Variants in CCDC6 observed in about 807,000 individuals in gnomAD.
CCDC6 encodes the protein coiled-coil domain containing 6.
In CCDC6, 20 loss-of-function variants were observed where a neutral mutation model predicts 56.6. The ratio of observed to expected loss-of-function variants is 0.35; its 90% CI spans 0.25 to 0.51. CCDC6 has a LOEUF of 0.51. Among genes scored for constraint, CCDC6 ranks in the 20% least tolerant of loss-of-function variants. The pLI, the probability that CCDC6 is intolerant of heterozygous loss-of-function variation, is 0.95. For synonymous variants in CCDC6, 241 were observed against 234.4 expected (o/e 1.03, Z -0.26); for missense variants, 367 against 601.1 (o/e 0.61, Z 4.07).
intron 1 of CCDC6, among the ~76,000 whole-genome samples, chr10:59,889,613 T>C (rs975271028): frequency 6.6e-6 from 1 of 152,226 alleles, no homozygotes; most frequent in African/African-American, 2.4e-5. Context: ...TCTCCTGCTC[T>C]GCAAGGTACA....
In CCDC6 at chr10:59,790,907, A is replaced by C. The variant is rs1589030249; in HGVS notation, c.*2010T>G. On this transcript the variant is annotated 3_prime_UTR_variant, in exon 9 of 9. Coordinates refer to ENST00000263102, the MANE Select transcript of CCDC6 (RefSeq NM_005436.5). Reference sequence around the variant, plus strand: ...ATTATGGACTTTCTTGTTTGGGTGCAAGACACTATCCACAGCATTGAAATC... The same window carrying C: ...ATTATGGACTTTCTTGTTTGGGTGCCAGACACTATCCACAGCATTGAAATC... 4.8e-6 allele frequency: 1 copy of C among 206,204 alleles called. No individual in the cohort carries two copies. The highest frequency in any genetic ancestry group is 1.6e-3 in the Middle Eastern group (1 of 630). 12.8% of individuals were successfully genotyped at this position (206,204 alleles called of 1,614,324 possible).
chr10:59,799,675 G>T (rs969978218), intron 7 of CCDC6, among the ~76,000 whole-genome samples: 1 of 152,214 alleles, frequency 6.6e-6, no homozygotes, highest in Non-Finnish European at 1.5e-5. Flanking sequence ...GCCTGAGAAT[G>T]TCTTCTCTTT....
Position 59,896,673 on chromosome 10 carries a change from G to GA in CCDC6, c.303+9448dup, listed in dbSNP as rs888502383. Among the ~76,000 whole-genome samples the GA allele has an allele frequency of 3.3e-4, 50 of 150,340 alleles. No homozygotes were observed. The East Asian group carries it at 6.6e-3, about 20-fold the overall frequency. On this transcript the variant is annotated intron_variant, in intron 1 of 8. Transcript: ENST00000263102. ...CTAGGAATAGAGGTTTACCAGGGAG[G>GA]AAAAAAAAATGGGTGTTATTGTTTA...
intron 7 of CCDC6, among the ~76,000 whole-genome samples, chr10:59,802,900 A>T (rs145574625): frequency 6.6e-5 from 10 of 152,334 alleles, no homozygotes; most frequent in African/African-American, 2.4e-4. Flanking sequence ...AATAAATCAA[A>T]CAGGGTATTA....
chr10:59,835,983 A>G (rs996380428), intron 2 of CCDC6, among the ~76,000 whole-genome samples: 2 of 145,024 alleles, frequency 1.4e-5, no homozygotes, highest in Non-Finnish European at 3.0e-5. Flanking sequence ...GGAGCCCAGA[A>G]GGTCAAGGCT....
chr10:59,833,457 G>A (rs2070850495), intron 2 of CCDC6, among the ~76,000 whole-genome samples: 2 of 151,860 alleles, frequency 1.3e-5, no homozygotes, highest in African/African-American at 4.8e-5. Flanking sequence ...CTCAAAAAAA[G>A]AATCTTATTC....
At chr10:59,850,148 T>G (rs1384192191) in intron 2 of CCDC6, among the ~76,000 whole-genome samples, 1 of 152,168 alleles carries the variant, frequency 6.6e-6, no homozygotes, top group Admixed American at 6.5e-5. Flanking sequence ...GACCTGAACC[T>G]AAAACTACCT....
intron 2 of CCDC6, among the ~76,000 whole-genome samples, chr10:59,834,186 C>T (rs1481327004): frequency 2.0e-5 from 3 of 152,084 alleles, no homozygotes; most frequent in African/African-American, 7.2e-5. Context: ...TAACACTCTC[C>T]ACATTTGACA....
chr10:59,806,846 G>A, intron 6 of CCDC6, 76 bp downstream of exon 6: 2 of 1,421,338 alleles, frequency 1.4e-6, no homozygotes, highest in Non-Finnish European at 1.9e-6. Context: ...CACCTAACAG[G>A]ATACCAAAGA....
At chr10:59,879,216 A>G (rs2071310648) in intron 1 of CCDC6, among the ~76,000 whole-genome samples, 1 of 152,226 alleles carries the variant, frequency 6.6e-6, no homozygotes, top group Non-Finnish European at 1.5e-5. Flanking sequence ...AAGAAACCTG[A>G]AAACAAGGAT....
At chr10:59,885,077 G>A (rs2071372428) in intron 1 of CCDC6, among the ~76,000 whole-genome samples, 1 of 102,998 alleles carries the variant, frequency 9.7e-6, no homozygotes, top group African/African-American at 3.7e-5. Context: ...AACAACAACA[G>A]AAAGAAAGGA....
At chr10:59,864,742 G>C (rs1490945448) in intron 1 of CCDC6, among the ~76,000 whole-genome samples, 1 of 152,116 alleles carries the variant, frequency 6.6e-6, no homozygotes, top group African/African-American at 2.4e-5. Context: ...GTTCAGCTGA[G>C]ACCCAAGATC....
At chr10:59,833,934 C>A (rs2070857232) in intron 2 of CCDC6, among the ~76,000 whole-genome samples, 1 of 152,114 alleles carries the variant, frequency 6.6e-6, no homozygotes, top group Non-Finnish European at 1.5e-5. Context: ...GGACCCAGAA[C>A]CCCAAACCAG....
At chr10:59,856,486 C>T (rs190154069) in intron 1 of CCDC6, among the ~76,000 whole-genome samples, 22 of 152,254 alleles carry the variant, frequency 1.4e-4, no homozygotes, top group East Asian at 3.9e-4. Context: ...CCATATTACA[C>T]GCAGTATCAT....
intron 1 of CCDC6, among the ~76,000 whole-genome samples, chr10:59,859,546 A>C (rs1252437317): frequency 2.0e-5 from 3 of 152,224 alleles, no homozygotes; most frequent in African/African-American, 7.2e-5. Flanking sequence ...TGGGTTTTCC[A>C]TTTCAATAGC....
intron 4 of CCDC6, among the ~76,000 whole-genome samples, chr10:59,814,442 A>C (rs1345529270): frequency 1.3e-5 from 2 of 152,242 alleles, no homozygotes; most frequent in African/African-American, 4.8e-5. Context: ...AAGAAATTCT[A>C]CTGGGACAGT....
intron 1 of CCDC6, among the ~76,000 whole-genome samples, chr10:59,875,607 T>TTGTA (rs1564754180): frequency 6.6e-6 from 1 of 152,218 alleles, no homozygotes; most frequent in African/African-American, 2.4e-5. Flanking sequence ...CAAGTCCAAG[T>TTGTA]TGTACCTCCT....
intron 5 of CCDC6, among the ~76,000 whole-genome samples, chr10:59,807,310 C>T (rs891817372): frequency 2.5e-4 from 38 of 152,120 alleles, no homozygotes; most frequent in African/African-American, 8.5e-4. Context: ...CATGGTGAAA[C>T]TCAGTCTCTA....
chr10:59,850,494 A>C (rs541747939), intron 2 of CCDC6, among the ~76,000 whole-genome samples: 1 of 152,178 alleles, frequency 6.6e-6, no homozygotes, highest in Non-Finnish European at 1.5e-5. Flanking sequence ...GAGAACCCCA[A>C]TGTTTTCACA....
Sources: gnomAD v4.1 joint callset for allele counts (sites outside exome capture counted in the v4.1 genomes callset) on GRCh38, gnomAD v4.1.1 for gene constraint, MANE v1.5 for transcripts, NCBI Gene and HGNC (gene_info 2026-07-23, HGNC 2026-07-21) for gene names.